Variants in ITGB8 observed in about 807,000 individuals in gnomAD.
The protein encoded by ITGB8 is integrin subunit beta 8.
Under a neutral mutation model 89.5 loss-of-function variants are expected in ITGB8, and 30 were observed. The observed-to-expected ratio is 0.34, with a 90% CI of 0.25 to 0.45. The LOEUF is 0.45. Ranked by LOEUF, ITGB8 falls within the 20% of genes least tolerant of loss-of-function variation. The pLI is 1.00. For synonymous variants in ITGB8, 335 were observed against 320.4 expected (o/e 1.05, Z -0.49); for missense variants, 836 against 933.3 (o/e 0.90, Z 1.36).
chr7:20,379,481 C>G (rs1177024923), intron 4 of ITGB8, 184 bp downstream of exon 4: 3 of 270,516 alleles, frequency 1.1e-5, no homozygotes, highest in Non-Finnish European at 2.0e-5. Context: ...GTAGATTGGG[C>G]TTTTTATTTT....
chr7:20,364,653 T>C (rs538469734), intron 2 of ITGB8: 1 of 152,352 alleles, frequency 6.6e-6, no homozygotes, highest in African/African-American at 2.4e-5. Context: ...ATGTCATTCA[T>C]GAACTAGAAA....
chr7:20,409,980 T>A lies in ITGB8; in HGVS notation c.2293T>A (p.Phe765Ile). 3 of 1,610,810 alleles carry A rather than the reference T, an allele frequency of 1.9e-6. No individual in the cohort carries two copies. The highest frequency in any genetic ancestry group is 2.5e-6 in the Non-Finnish European group (3 of 1,179,132). Residue 765 changes from phenylalanine (F) to isoleucine (I), a missense_variant, in exon 14 of 14, where the codon TTC (phenylalanine) becomes ATC (isoleucine). Transcript: ENST00000222573. ...CAGCAAATTAAATGCTCATGAAACTTTCAGGTGCAACTTCTAAAAAAAGAT... is the reference window on the plus strand; with the variant it reads ...CAGCAAATTAAATGCTCATGAAACTATCAGGTGCAACTTCTAAAAAAAGAT... Reference protein sequence around the residue: ...DISKLNAHETFRCNF With the variant: ...DISKLNAHETIRCNF
At chr7:20,334,163 A>G (rs1264780858) in intron 1 of ITGB8, among the ~76,000 whole-genome samples, 2 of 152,176 alleles carry the variant, frequency 1.3e-5, no homozygotes, top group Non-Finnish European at 2.9e-5. Context: ...GGATGTTATT[A>G]ATCAAATCCA....
intron 1 of ITGB8, among the ~76,000 whole-genome samples, chr7:20,337,255 G>T (rs1204291508): frequency 2.0e-5 from 3 of 151,916 alleles, no homozygotes; most frequent in African/African-American, 7.3e-5. Context: ...ACAAAAACTG[G>T]AATTTGTAGT....
chr7:20,388,338 C>T lies in ITGB8; in HGVS notation c.961-3065C>T, dbSNP rs546435639. 2.6e-5 allele frequency among the ~76,000 whole-genome samples: 4 copies of T among 152,286 alleles called. No homozygotes were observed. The East Asian group carries it at 7.7e-4, about 29-fold the overall frequency. On this transcript the variant is annotated intron_variant, in intron 6 of 13. Transcript: ENST00000222573. ...CAGAGAGGGAGTTGGAGTTCAGGAG[C>T]AGTGATGTCACCAGAACAGGAGAGT...
intron 1 of ITGB8, chr7:20,346,900 A>T (rs940959682): frequency 4.8e-5 from 46 of 964,818 alleles, no homozygotes; most frequent in Non-Finnish European, 5.1e-5. Flanking sequence ...TATGGTCTAA[A>T]TGTTTTTGCT....
chr7:20,397,932 G>A (rs1024115439), intron 8 of ITGB8, among the ~76,000 whole-genome samples: 1 of 151,952 alleles, frequency 6.6e-6, no homozygotes, highest in African/African-American at 2.4e-5. Context: ...TCTTTCTTTA[G>A]GCACATACTT....
chr7:20,388,379 G>A (rs1019594450), intron 6 of ITGB8, among the ~76,000 whole-genome samples: 7 of 152,208 alleles, frequency 4.6e-5, no homozygotes, highest in African/African-American at 1.4e-4. Flanking sequence ...GAGAGGGAGC[G>A]TGTCTCCTGC....
intron 1 of ITGB8, among the ~76,000 whole-genome samples, chr7:20,361,875 G>C (rs986200956): frequency 6.6e-6 from 1 of 152,194 alleles, no homozygotes; most frequent in Non-Finnish European, 1.5e-5. Context: ...GTTCACTTTA[G>C]TTCTTTGAGT....
In ITGB8 at chr7:20,403,865, C is replaced by T. The variant is rs1007485752; in HGVS notation, c.1688-763C>T. ...CTATATCATCATGTGAAATGTACCC[C>T]CTTTTGACGATTTCTAGTGCACATT... On this transcript the variant is annotated intron_variant, in intron 10 of 13. Transcript: ENST00000222573. 2.0e-5 allele frequency among the ~76,000 whole-genome samples: 3 copies of T among 152,090 alleles called. No individual in the cohort carries two copies. In the South Asian group the frequency reaches 6.2e-4, roughly 32 times the overall value.
intron 1 of ITGB8, among the ~76,000 whole-genome samples, chr7:20,358,806 G>A (rs1000098888): frequency 5.9e-5 from 9 of 152,078 alleles, no homozygotes; most frequent in Non-Finnish European, 1.0e-4. Flanking sequence ...CTAATGATCC[G>A]ATCTCCCAGA....
chr7:20,377,006 C>T (rs556526771), intron 3 of ITGB8, among the ~76,000 whole-genome samples: 18 of 152,224 alleles, frequency 1.2e-4, no homozygotes, highest in East Asian at 1.9e-4. Context: ...CCAGCGAGAC[C>T]GGAATTTGCT....
intron 6 of ITGB8, among the ~76,000 whole-genome samples, chr7:20,390,588 A>G (rs1187621777): frequency 6.6e-6 from 1 of 152,164 alleles, no homozygotes; most frequent in Non-Finnish European, 1.5e-5. Flanking sequence ...GGTATAAAAT[A>G]TATCATACAA....
At chr7:20,393,405 G>C (rs558844356) in intron 7 of ITGB8, among the ~76,000 whole-genome samples, 2 of 152,332 alleles carry the variant, frequency 1.3e-5, no homozygotes, top group Admixed American at 6.5e-5. Context: ...ACTGCCTAGA[G>C]ATCTTTTTTA....
At position 20,331,268 on chromosome 7, in the gene ITGB8, A is replaced by C. The variant is rs747744377; in HGVS notation, c.-539A>C. On this transcript the variant is annotated 5_prime_UTR_variant, in exon 1 of 14. Coordinates refer to ENST00000222573, the MANE Select transcript of ITGB8 (RefSeq NM_002214.3). ...GTTGGCCTCCCTGCCCACCTGTGGA[A>C]GCAACTGCGCTGATTGATGCGCCAC... 10 of 309,370 alleles carry C rather than the reference A, an allele frequency of 3.2e-5. No individual in the cohort carries two copies. Among genetic ancestry groups the C allele is most frequent in the Middle Eastern group, 1.7e-3 (2 of 1,208 alleles). The allele number at this position is 309,370 out of a possible 1,614,324, so 19.2% of individuals were successfully genotyped here.
intron 1 of ITGB8, among the ~76,000 whole-genome samples, chr7:20,351,310 A>G (rs1352777758): frequency 6.6e-6 from 1 of 152,218 alleles, no homozygotes; most frequent in Non-Finnish European, 1.5e-5. Flanking sequence ...AGTGTTTACA[A>G]GAAAAGGTTC....
At position 20,363,730 on chromosome 7, in the gene ITGB8, A is replaced by AT. The variant is rs35420999; in HGVS notation, c.213+19dup. 4,745 of 1,287,602 alleles carry AT rather than the reference A, an allele frequency of 3.7e-3. 10 individuals carry two copies. The highest frequency in any genetic ancestry group is 0.024 in the African/African-American group (1,574 of 66,242). The allele number at this position is 1,287,602 out of a possible 1,614,324, so 79.8% of individuals were successfully genotyped here. On this transcript the variant is annotated intron_variant, in intron 2 of 13. Transcript: ENST00000222573. ...GGATGGTGTGTTCAAGAGGTGTGCCATTTTTTTTTTTCTTTTTCTCATGGT... is the reference window on the plus strand; with the variant it reads ...GGATGGTGTGTTCAAGAGGTGTGCCATTTTTTTTTTTTCTTTTTCTCATGGT...
At chr7:20,334,014 T>C (rs1226672404) in intron 1 of ITGB8, among the ~76,000 whole-genome samples, 2 of 152,184 alleles carry the variant, frequency 1.3e-5, no homozygotes, top group Non-Finnish European at 2.9e-5. Context: ...CAGGAGAATG[T>C]TGAGGGCAAT....
At chr7:20,358,206 G>A (rs1459114630) in intron 1 of ITGB8, among the ~76,000 whole-genome samples, 2 of 151,788 alleles carry the variant, frequency 1.3e-5, no homozygotes, top group African/African-American at 2.4e-5. Context: ...CTCATGATCC[G>A]CCCACCTCAG....
Sources: allele counts gnomAD v4.1 joint callset (sites outside exome capture counted in the v4.1 genomes callset), GRCh38; gene constraint gnomAD v4.1.1; transcripts MANE v1.5; gene names NCBI Gene and HGNC (gene_info 2026-07-23, HGNC 2026-07-21).